KIF3C: variants seen among roughly 807,000 people sequenced by gnomAD.
KIF3C encodes kinesin family member 3C.
KIF3C carries 12 observed loss-of-function variants against 67.7 expected under a neutral mutation model. That is an observed-to-expected ratio of 0.18 (90% CI 0.11 to 0.29). The LOEUF (loss-of-function observed/expected upper bound fraction) is 0.29. KIF3C is among the 10% of genes least tolerant of loss of function. KIF3C has a pLI of 1.00. For synonymous variants in KIF3C, 393 were observed against 426.2 expected (o/e 0.92, Z 0.96); for missense variants, 789 against 1,059.6 (o/e 0.74, Z 3.55).
At chr2:25,951,601 C>A in intron 5 of KIF3C, 188 bp downstream of exon 5, 1 of 542,892 alleles carries the variant, frequency 1.8e-6, no homozygotes, top group South Asian at 2.2e-5. Flanking sequence ...TCCCAGAACA[C>A]CCTTCCATCA....
intron 1 of KIF3C, among the ~76,000 whole-genome samples, chr2:25,963,192 A>ATTT (rs1664047879): frequency 1.8e-5 from 1 of 54,266 alleles, no homozygotes; most frequent in African/African-American, 1.2e-4. Flanking sequence ...ATATATATAT[A>ATTT]TATATTTTTT....
chr2:25,960,213 G>A (rs1352863860), intron 1 of KIF3C, among the ~76,000 whole-genome samples: 1 of 151,938 alleles, frequency 6.6e-6, no homozygotes, highest in Non-Finnish European at 1.5e-5. Flanking sequence ...AGATCAGCTT[G>A]GGCAACATAG....
intron 1 of KIF3C, among the ~76,000 whole-genome samples, chr2:25,959,109 G>A (rs757067902): frequency 6.6e-6 from 1 of 152,004 alleles, no homozygotes; most frequent in African/African-American, 2.4e-5. Context: ...CTCCCTCAAT[G>A]GGCCATGGCA....
At chr2:25,940,040 C>T (rs112541227) in intron 5 of KIF3C, among the ~76,000 whole-genome samples, 159 of 152,294 alleles carry the variant, frequency 1.0e-3, no homozygotes, top group African/African-American at 3.5e-3. Flanking sequence ...AACATAAAGT[C>T]AAACTGCCCT....
chr2:25,981,770 C>A lies in KIF3C; in HGVS notation c.148G>T (p.Ala50Ser), dbSNP rs1440408812. ...GQVTLRNPRA[A>S]PGELPKTFTF... ...AAGGTCTTGGGCAGCTCCCCCGGGG[C>A]GGCGCGGGGGTTCCGCAGGGTCACC... The change falls in exon 1 of 8, where the codon GCC (alanine) becomes TCC (serine). Residue 50 changes from alanine (A) to serine (S), a missense_variant. Transcript: ENST00000264712. The surrounding 1 kb of genome is among the most constrained non-coding windows in gnomAD (Gnocchi z 8.2). 2 of 1,613,540 alleles carry A rather than the reference C, an allele frequency of 1.2e-6. No homozygotes were observed. Among genetic ancestry groups the A allele is most frequent in the Non-Finnish European group, 1.7e-6 (2 of 1,179,714 alleles).
chr2:25,941,717 A>T (rs2149226116), intron 5 of KIF3C, among the ~76,000 whole-genome samples: 1 of 152,126 alleles, frequency 6.6e-6, no homozygotes, highest in East Asian at 1.9e-4. Flanking sequence ...ATGTAGTGAG[A>T]CCTCATCTCT....
rs760016402 is a variant in KIF3C, at chr2:25,980,590, C to T, written c.1328G>A (p.Arg443His). The part of the protein sequence containing the change: ...EEEDDNNNNH[R>H]PPQPILESAL... ...TGACTCCAGGATGGGCTGGGGCGGG[C>T]GGTGGTTGTTGTTGTTGTCATCCTC... Residue 443 changes from arginine to histidine, a missense_variant, in exon 1 of 8, where the codon CGC (arginine) becomes CAC (histidine). Coordinates refer to ENST00000264712, the MANE Select transcript of KIF3C (RefSeq NM_002254.8). The surrounding 1 kb of genome is among the most constrained non-coding windows in gnomAD (Gnocchi z 7.6). 30 of 1,614,032 alleles carry T rather than the reference C, an allele frequency of 1.9e-5. No homozygotes were observed. Among genetic ancestry groups the T allele is most frequent in the East Asian group, 6.7e-5 (3 of 44,876 alleles).
chr2:25,972,636 T>C (rs977731851), intron 1 of KIF3C, among the ~76,000 whole-genome samples: 4 of 152,210 alleles, frequency 2.6e-5, no homozygotes, highest in African/African-American at 9.7e-5. Flanking sequence ...GCTGGTGTCC[T>C]TGGGGACATG....
At position 25,929,013 on chromosome 2, in the gene KIF3C, A is replaced by C. The variant is rs2090434969; in HGVS notation, c.2347T>G (p.Ser783Ala). 1.2e-6 allele frequency: 2 copies of C among 1,613,652 alleles called. No homozygotes were observed. Among genetic ancestry groups the C allele is most frequent in the African/African-American group, 2.7e-5 (2 of 74,906 alleles). ...STTHASLASA[S>A]LRPATVADHE ...TCCGCCACTGTTGCAGGGCGCAGAG[A>C]AGCAGAGGCCAGGGAGGCATGTGTG... Residue 783 changes from serine to alanine, a missense_variant, in exon 8 of 8, where the codon TCT (serine) becomes GCT (alanine). Transcript: ENST00000264712.
Position 25,928,593 on chromosome 2 carries a change from G to GTAGATCT in KIF3C, c.*384_*385insAGATCTA. 1.2e-5 allele frequency: 2 copies of GTAGATCT among 172,950 alleles called. No individual in the cohort carries two copies. The highest frequency in any genetic ancestry group is 1.1e-4 in the Admixed American group (2 of 17,612). The allele number at this position is 172,950 out of a possible 1,614,324, so 10.7% of individuals were successfully genotyped here. ...TGGGAGAAGATGGAGGTTATGGAGTGCGGTGGGTAGAAAAGGGACTGTCTT... is the reference window on the plus strand; with the variant it reads ...TGGGAGAAGATGGAGGTTATGGAGTGTAGATCTCGGTGGGTAGAAAAGGGACTGTCTT... On this transcript the variant is annotated 3_prime_UTR_variant, in exon 8 of 8. Coordinates refer to ENST00000264712, the MANE Select transcript of KIF3C (RefSeq NM_002254.8).
intron 5 of KIF3C, among the ~76,000 whole-genome samples, chr2:25,947,631 C>T (rs560684875): frequency 1.3e-5 from 2 of 151,840 alleles, no homozygotes; most frequent in East Asian, 3.9e-4. Context: ...TTAAAGTATG[C>T]TGTTTTAAGG....
At chr2:25,965,827 T>C (rs2149239758) in intron 1 of KIF3C, among the ~76,000 whole-genome samples, 1 of 152,120 alleles carries the variant, frequency 6.6e-6, no homozygotes, top group South Asian at 2.1e-4. Flanking sequence ...CAAAAGACTA[T>C]AGGTGGGTGG....
chr2:25,963,161 T>C (rs1330130137), intron 1 of KIF3C, among the ~76,000 whole-genome samples: 1 of 81,506 alleles, frequency 1.2e-5, no homozygotes, highest in Admixed American at 1.9e-4. Context: ...TGTGTGTGTA[T>C]GTATGTGTGT....
intron 1 of KIF3C, among the ~76,000 whole-genome samples, chr2:25,972,304 C>A (rs530617525): frequency 1.3e-5 from 2 of 152,134 alleles, no homozygotes; most frequent in Non-Finnish European, 2.9e-5. Flanking sequence ...GACCAAAAGG[C>A]CTGCTGAGCC....
chr2:25,963,482 C>T (rs1664060350), intron 1 of KIF3C, among the ~76,000 whole-genome samples: 2 of 150,370 alleles, frequency 1.3e-5, no homozygotes. Flanking sequence ...TGTGAGCCAC[C>T]ACTCCCAGCC....
In KIF3C at chr2:25,951,793, C is replaced by T. The variant is rs370777128; in HGVS notation, c.2002G>A (p.Gly668Ser). ...QWKFQPLVPA[G>S]VSSSQMKKRP... ...ACAGCTGGGTTAGAGACTCACACGC[C>T]GGCTGGCACCAGTGGCTGGAACTTC... The change falls in exon 5 of 8, where the codon GGC (glycine) becomes AGC (serine). Residue 668 changes from glycine (G) to serine (S), a missense_variant. Gly to Ser is a moderately conservative substitution (Grantham distance 56). Around this residue, in one of 2 missense-constraint regions of KIF3C, gnomAD observed 648 missense variants for 807.8 expected, o/e 0.80. Transcript: ENST00000264712. 1.7e-5 allele frequency: 28 copies of T among 1,610,896 alleles called. No individual in the cohort carries two copies. Among genetic ancestry groups the T allele is most frequent in the East Asian group, 1.3e-4 (6 of 44,868 alleles).
At chr2:25,953,962 C>T (rs1453159372) in intron 4 of KIF3C, among the ~76,000 whole-genome samples, 1 of 152,168 alleles carries the variant, frequency 6.6e-6, no homozygotes, top group Non-Finnish European at 1.5e-5. Flanking sequence ...CCACTGCGCC[C>T]GGCCCTAAAA....
At chr2:25,957,311 G>A (rs1487233127) in intron 1 of KIF3C, among the ~76,000 whole-genome samples, 1 of 152,200 alleles carries the variant, frequency 6.6e-6, no homozygotes, top group Non-Finnish European at 1.5e-5. Context: ...GTCTCACTCT[G>A]TGAAAGCCCC....
In KIF3C at chr2:25,954,293, G is replaced by T. The variant is rs1216036174; in HGVS notation, c.1863C>A (p.Asn621Lys). Residue 621 changes from asparagine (N) to lysine (K), a missense_variant, in exon 4 of 8, where the codon AAC becomes AAA. Around this residue, in one of 2 missense-constraint regions of KIF3C, gnomAD observed 648 missense variants for 807.8 expected, o/e 0.80. Coordinates refer to ENST00000264712, the MANE Select transcript of KIF3C (RefSeq NM_002254.8). The part of the protein sequence containing the change: ...RVRQDLEEAQ[N>K]EQTRELKLKY... ...TGAGCTTGAGTTCGCGGGTCTGCTC[G>T]TTCTGCGCCTCCTCCAGGTCCTGCC... 1 of 1,614,046 alleles carries T rather than the reference G, an allele frequency of 6.2e-7. No individual in the cohort carries two copies. The highest frequency in any genetic ancestry group is 8.5e-7 in the Non-Finnish European group (1 of 1,179,952).
Sources: allele counts gnomAD v4.1 joint callset (sites outside exome capture counted in the v4.1 genomes callset), GRCh38; gene constraint gnomAD v4.1.1; regional missense constraint gnomAD v4.1.1; non-coding constraint Gnocchi (gnomAD v3.1); transcripts MANE v1.5; gene names NCBI Gene and HGNC (gene_info 2026-07-23, HGNC 2026-07-21).